SMPD3: variants seen among roughly 807,000 people sequenced by gnomAD.
The protein encoded by SMPD3 is sphingomyelin phosphodiesterase 3, also known as nSMase-2.
In SMPD3, 21 loss-of-function variants were observed where a neutral mutation model predicts 55.7. The ratio of observed to expected loss-of-function variants is 0.38; its 90% CI spans 0.27 to 0.54. The LOEUF is 0.54. Among genes scored for constraint, SMPD3 ranks in the 20% least tolerant of loss-of-function variants. SMPD3 has a pLI of 0.80. For missense variants in SMPD3, 842 were observed against 899.6 expected (o/e 0.94, Z 0.82); for synonymous variants, 457 against 404.3 (o/e 1.13, Z -1.56).
At chr16:68,374,430 A>C (rs943046672) in intron 2 of SMPD3, among the ~76,000 whole-genome samples, 2 of 146,238 alleles carry the variant, frequency 1.4e-5, no homozygotes, top group Non-Finnish European at 2.9e-5. Flanking sequence ...AGTTTGGAGC[A>C]GCATGTGTAT....
intron 1 of SMPD3, among the ~76,000 whole-genome samples, chr16:68,388,501 C>T (rs965221711): frequency 9.9e-5 from 15 of 152,174 alleles, no homozygotes; most frequent in Non-Finnish European, 1.9e-4. Flanking sequence ...GCCTGTGTGA[C>T]TCCCAGCCCC....
chr16:68,419,233 C>T (rs773411351), intron 1 of SMPD3, among the ~76,000 whole-genome samples: 23 of 152,162 alleles, frequency 1.5e-4, no homozygotes, highest in Non-Finnish European at 3.1e-4. Context: ...CAGCTATGGC[C>T]ACCAATGAGA....
intron 1 of SMPD3, among the ~76,000 whole-genome samples, chr16:68,401,701 A>G (rs2090207476): frequency 6.6e-6 from 1 of 152,192 alleles, no homozygotes; most frequent in Non-Finnish European, 1.5e-5. Context: ...TGTGCTGGCC[A>G]GAACAGGAGA....
At chr16:68,383,251 C>G (rs2089987373) in intron 2 of SMPD3, among the ~76,000 whole-genome samples, 1 of 152,168 alleles carries the variant, frequency 6.6e-6, no homozygotes, top group Non-Finnish European at 1.5e-5. Context: ...CTGCATCTGT[C>G]CTGAACTCCA....
chr16:68,378,705 C>G (rs1169657822), intron 2 of SMPD3, among the ~76,000 whole-genome samples: 1 of 152,148 alleles, frequency 6.6e-6, no homozygotes, highest in Non-Finnish European at 1.5e-5. Flanking sequence ...GTGAGCCACC[C>G]AGGCCACTCA....
intron 1 of SMPD3, among the ~76,000 whole-genome samples, chr16:68,429,211 C>T (rs1472897731): frequency 6.6e-6 from 1 of 152,214 alleles, no homozygotes; most frequent in African/African-American, 2.4e-5. Flanking sequence ...TGCCTGTCTG[C>T]TTTCTTGCTG....
chr16:68,418,932 C>T (rs2152023015), intron 1 of SMPD3, among the ~76,000 whole-genome samples: 1 of 152,214 alleles, frequency 6.6e-6, no homozygotes, highest in East Asian at 1.9e-4. Context: ...TAGATGTATC[C>T]TCCTAGAGGG....
At chr16:68,426,065 C>T (rs547430261) in intron 1 of SMPD3, among the ~76,000 whole-genome samples, 1 of 152,142 alleles carries the variant, frequency 6.6e-6, no homozygotes. Flanking sequence ...ACTTAAGACA[C>T]AACAAAGGTG....
rs1430790627 is a variant in SMPD3 at position 68,359,029 on chromosome 16, T to G, written c.*2177A>C. 1 of 152,592 alleles carries G rather than the reference T, an allele frequency of 6.6e-6. No homozygotes were observed. Among genetic ancestry groups the G allele is most frequent in the East Asian group, 1.9e-4 (1 of 5,234 alleles). 9.5% of individuals were successfully genotyped at this position (152,592 alleles called of 1,614,324 possible). ...CGACCTTGTGATGACAGAAAATGAC[T>G]TGCCTAAGGCCGCCTGTGAGGTGGG... On this transcript the variant is annotated 3_prime_UTR_variant, in exon 9 of 9. Transcript: ENST00000219334.
At chr16:68,444,921 G>A (rs1317252434) in intron 1 of SMPD3, among the ~76,000 whole-genome samples, 2 of 152,216 alleles carry the variant, frequency 1.3e-5, no homozygotes, top group African/African-American at 4.8e-5. Context: ...TCACATGGAT[G>A]CCAAAGTAAG....
chr16:68,379,632 G>A (rs901029925), intron 2 of SMPD3, among the ~76,000 whole-genome samples: 8 of 152,224 alleles, frequency 5.3e-5, no homozygotes, highest in Non-Finnish European at 1.2e-4. Context: ...CCGTCTCCTC[G>A]CAGGAGGTTA....
At chr16:68,368,194 G>C (rs1459522252) in intron 3 of SMPD3, 1 of 152,820 alleles carries the variant, frequency 6.5e-6, no homozygotes, top group South Asian at 2.1e-4. Context: ...GAAGGGAAGA[G>C]AGGATTGTGT....
At chr16:68,384,736 C>G (rs779356677) in intron 2 of SMPD3, among the ~76,000 whole-genome samples, 1 of 152,112 alleles carries the variant, frequency 6.6e-6, no homozygotes, top group Non-Finnish European at 1.5e-5. Context: ...GAGAACAAAG[C>G]TTGTGCCCCC....
chr16:68,433,407 C>A (rs542165022), intron 1 of SMPD3, among the ~76,000 whole-genome samples: 1 of 152,210 alleles, frequency 6.6e-6, no homozygotes, highest in Non-Finnish European at 1.5e-5. Flanking sequence ...GGAGTGATGT[C>A]CAGTCAGCAG....
Position 68,370,984 on chromosome 16 carries a change from A to AGCT in SMPD3, c.1195_1197dup (p.Ser399dup). The stretch of plus-strand genomic sequence containing the variant: ...AGGAGGCCGCTGTTGAGACACTTGA[A>AGCT]GCTGCAGCAGCCCTGGCAGCCGTAG... On this transcript the variant is annotated inframe_insertion, in exon 3 of 9. Coordinates refer to ENST00000219334, the MANE Select transcript of SMPD3 (RefSeq NM_018667.4). 6.2e-7 allele frequency: 1 copy of AGCT among 1,614,040 alleles called. No individual in the cohort carries two copies. Among genetic ancestry groups the AGCT allele is most frequent in the Non-Finnish European group, 8.5e-7 (1 of 1,180,022 alleles).
At position 68,370,877 on chromosome 16, in the gene SMPD3, C is replaced by T. The variant is rs753550771; in HGVS notation, c.1305G>A (p.Lys435=). 1 of 1,613,798 alleles carries T rather than the reference C, an allele frequency of 6.2e-7. No homozygotes were observed. The highest frequency in any genetic ancestry group is 2.2e-5 in the East Asian group (1 of 44,858). The change falls in exon 3 of 9, where the codon AAG becomes AAA. Residue 435 remains lysine, a synonymous_variant. Transcript: ENST00000219334. ...CTCCTACCTTGAGAAACAGAGCTCC[C>T]TTAGAGGCCAGGGCATCGTCGTTAC... ...NKCNDDALAS[K]GALFLKVQVG... is the part of the protein sequence containing the mutation.
intron 1 of SMPD3, among the ~76,000 whole-genome samples, chr16:68,396,385 G>A (rs1369117794): frequency 6.6e-6 from 1 of 152,140 alleles, no homozygotes; most frequent in Non-Finnish European, 1.5e-5. Flanking sequence ...TTCTCCCACT[G>A]ATTTGATGTG....
intron 1 of SMPD3, among the ~76,000 whole-genome samples, chr16:68,406,169 G>A (rs774560909): frequency 3.2e-4 from 49 of 152,104 alleles, no homozygotes; most frequent in Non-Finnish European, 3.8e-4. Flanking sequence ...ACAATGAGGC[G>A]TAAACCAGAA....
chr16:68,440,293 C>A (rs190120455), intron 1 of SMPD3, among the ~76,000 whole-genome samples: 1 of 152,294 alleles, frequency 6.6e-6, no homozygotes, highest in East Asian at 1.9e-4. Flanking sequence ...ACCTCCCATG[C>A]TCAGGTGATC....
Sources: gnomAD v4.1 joint callset for allele counts (sites outside exome capture counted in the v4.1 genomes callset) on GRCh38, gnomAD v4.1.1 for gene constraint, MANE v1.5 for transcripts, NCBI Gene and HGNC (gene_info 2026-07-23, HGNC 2026-07-21) for gene names.